TM6SF2: variants seen among roughly 807,000 people sequenced by gnomAD.
TM6SF2 encodes transmembrane 6 superfamily member 2.
TM6SF2 carries 29 observed loss-of-function variants against 41.0 expected under a neutral mutation model. The ratio of observed to expected loss-of-function variants is 0.71; its 90% CI spans 0.53 to 0.96. The LOEUF is 0.96. Among genes scored for constraint, TM6SF2 ranks in the 50% least tolerant of loss-of-function variants. TM6SF2 has a pLI of 0.00. For synonymous variants in TM6SF2, 200 were observed against 209.1 expected, an observed-to-expected ratio of 0.96 and a Z score of 0.37; for missense variants, 475 against 499.0, an observed-to-expected ratio of 0.95 and a Z score of 0.46.
In TM6SF2 at chr19:19,265,861, C is replaced by T. The variant is rs375976030; in HGVS notation, c.924+629G>A. Among the ~76,000 whole-genome samples the T allele has an allele frequency of 5.9e-5, 9 of 152,264 alleles. No individual in the cohort carries two copies. In the South Asian group the frequency reaches 1.9e-3, roughly 32 times the overall value. ...TCTCTCTCTGACCTGGCTCCAGATC[C>T]TCCTCCCAGTCTTCCCCACCCCAGA... On this transcript the variant is annotated intron_variant, in intron 9 of 9. Coordinates refer to ENST00000389363, the MANE Select transcript of TM6SF2 (RefSeq NM_001001524.3).
intron 1 of TM6SF2, 142 bp from the exon 2 acceptor site, chr19:19,271,267 C>A: frequency 1.4e-6 from 1 of 692,490 alleles, no homozygotes; most frequent in Non-Finnish European, 2.6e-6. Flanking sequence ...ATGCTGTTCC[C>A]TGAAACTGCT....
chr19:19,273,174 C>A lies in TM6SF2; in HGVS notation c.42G>T (p.Ser14=). The A allele has an allele frequency of 1.4e-6, 2 of 1,472,838 alleles. No homozygotes were observed. The highest frequency in any genetic ancestry group is 1.3e-5 in the South Asian group (1 of 76,024). The allele number at this position is 1,472,838 out of a possible 1,614,324, so 91.2% of individuals were successfully genotyped here. ...CGTAGGACACCGGGAGGGCGCTCAG[C>A]GACAGCGCCGCGATCTTGCCGGCCA... ...PPLAGKIAAL[S]LSALPVSYAL... Residue 14 remains serine (S), a synonymous_variant, in exon 1 of 10, where the codon TCG becomes TCT. Transcript: ENST00000389363.
rs111630044 is a variant in TM6SF2, at chr19:19,269,519, G to A, written c.484+168C>T. On this transcript the variant is annotated intron_variant, in intron 5 of 9. Transcript: ENST00000389363. ...TTCTCCCGCCTTCCAAGAGGAAACAGGGACCGGAAAGGGGTGGGCTGCTGA... is the reference window on the plus strand; with the variant it reads ...TTCTCCCGCCTTCCAAGAGGAAACAAGGACCGGAAAGGGGTGGGCTGCTGA... Among the ~76,000 whole-genome samples the A allele has an allele frequency of 4.4e-3, 669 of 152,310 alleles. 4 individuals are homozygous for A. Among genetic ancestry groups the A allele is most frequent in the African/African-American group, 0.014 (591 of 41,558 alleles).
chr19:19,266,358 G>C (rs1471866095), intron 9 of TM6SF2, 132 bp downstream of exon 9: 7 of 1,319,330 alleles, frequency 5.3e-6, no homozygotes, highest in Non-Finnish European at 7.3e-6. Context: ...GGGAATCCTG[G>C]GATATTGGGC....
intron 8 of TM6SF2, 68 bp downstream of exon 8, chr19:19,267,553 G>A: frequency 2.5e-6 from 3 of 1,219,802 alleles, no homozygotes; most frequent in Non-Finnish European, 3.5e-6. Context: ...TCTGGCACCT[G>A]CTTCAAAGAG....
intron 6 of TM6SF2, 44 bp from the exon 7 acceptor site, chr19:19,268,131 G>A: frequency 7.1e-7 from 1 of 1,414,744 alleles, no homozygotes; most frequent in Non-Finnish European, 9.9e-7. Flanking sequence ...GGTAGTCAAT[G>A]ACAAGTATTC....
chr19:19,272,814 G>C (rs900117791), intron 1 of TM6SF2, among the ~76,000 whole-genome samples: 2 of 151,802 alleles, frequency 1.3e-5, no homozygotes, highest in Non-Finnish European at 2.9e-5. Context: ...CGCATCCCTG[G>C]GAAAACCCCA....
chr19:19,268,201 C>T (rs1055228042), intron 6 of TM6SF2, 114 bp from the exon 7 acceptor site: 15 of 670,268 alleles, frequency 2.2e-5, no homozygotes, highest in East Asian at 3.0e-5. Context: ...TCTTTTTTTT[C>T]TTTTTTCTTT....
At chr19:19,271,191 G>T in intron 1 of TM6SF2, 66 bp from the exon 2 acceptor site, 1 of 1,283,470 alleles carries the variant, frequency 7.8e-7, no homozygotes, top group Non-Finnish European at 1.1e-6. Flanking sequence ...CACTCTCCCT[G>T]GTGGGGGAAG....
In TM6SF2 at chr19:19,271,147, C is replaced by A. The variant is rs1403952333; in HGVS notation, c.96-22G>T. On this transcript the variant is annotated intron_variant, in intron 1 of 9. Coordinates refer to ENST00000389363, the MANE Select transcript of TM6SF2 (RefSeq NM_001001524.3). ...GGGGCTGTGGAGAGGGAAGCCAAGT[C>A]AGGGAGGCCAGGCCCAGTGCTGAGG... The A allele has an allele frequency of 6.3e-6, 10 of 1,593,668 alleles. No individual in the cohort carries two copies. The Admixed American group carries it at 1.7e-4, about 27-fold the overall frequency.
chr19:19,269,312 T>C (rs2061014538), intron 5 of TM6SF2, among the ~76,000 whole-genome samples: 1 of 152,200 alleles, frequency 6.6e-6, no homozygotes, highest in African/African-American at 2.4e-5. Context: ...GTGTTCCCTT[T>C]GCTGAGGTTT....
At chr19:19,269,897 G>C (rs1441329227) in intron 4 of TM6SF2, 128 bp from the exon 5 acceptor site, 1 of 1,557,620 alleles carries the variant, frequency 6.4e-7, no homozygotes, top group Non-Finnish European at 8.7e-7. Context: ...GGATGGAAGG[G>C]ACAACAGGGA....
intron 2 of TM6SF2, 123 bp downstream of exon 2, chr19:19,270,899 G>C: frequency 1.3e-6 from 1 of 799,578 alleles, no homozygotes. Context: ...GAGGTCTCCA[G>C]TCTGATGGGA....
rs545153910 is a variant in TM6SF2 at position 19,273,255 on chromosome 19, C to T, written c.-40G>A. The T allele has an allele frequency of 7.6e-7, 1 of 1,311,652 alleles. No homozygotes were observed. The highest frequency in any genetic ancestry group is 3.1e-5 in the East Asian group (1 of 31,764). 81.3% of individuals were successfully genotyped at this position (1,311,652 alleles called of 1,614,324 possible). ...GACCCCGGCTCAGCCCCGACGCGTT[C>T]TCCAGGGCGCTCGGCTCCTCGTTGG... On this transcript the variant is annotated 5_prime_UTR_variant, in exon 1 of 10. Coordinates refer to ENST00000389363, the MANE Select transcript of TM6SF2 (RefSeq NM_001001524.3).
chr19:19,268,648 G>T lies in TM6SF2; in HGVS notation c.591C>A (p.Thr197=). Residue 197 remains threonine (T), a synonymous_variant, in exon 6 of 10, where the codon ACC becomes ACA. Coordinates refer to ENST00000389363, the MANE Select transcript of TM6SF2 (RefSeq NM_001001524.3). ...CACTCACCATGTTGGCGGTGCAGCG[G>T]GTTAGCGCCCGGGGCTGGCTGAAGA... ...MKVFSQPRAL[T]RCTANMVQEE... is the part of the protein sequence containing the mutation. The T allele has an allele frequency of 6.3e-7, 1 of 1,588,500 alleles. No homozygotes were observed. Among genetic ancestry groups the T allele is most frequent in the Non-Finnish European group, 8.5e-7 (1 of 1,172,040 alleles).
In TM6SF2 at chr19:19,270,465, G is replaced by A. The variant is rs1292274227; in HGVS notation, c.200-23C>T. 8 of 1,594,762 alleles carry A rather than the reference G, an allele frequency of 5.0e-6. No homozygotes were observed. The Admixed American group carries it at 1.4e-4, about 28-fold the overall frequency. ...AGACTGCAGTGAGTGGGCGGGCCGG[G>A]TCAGGTGTGGGAGGGGACACGTGTG... On this transcript the variant is annotated intron_variant, in intron 2 of 9. Transcript: ENST00000389363.
At chr19:19,266,374 G>T in intron 9 of TM6SF2, 116 bp downstream of exon 9, 2 of 1,435,482 alleles carry the variant, frequency 1.4e-6, no homozygotes, top group Non-Finnish European at 1.9e-6. Flanking sequence ...TGGGCCTGGG[G>T]CTGGGGCCTC....
chr19:19,271,882 A>G (rs2061025478), intron 1 of TM6SF2, among the ~76,000 whole-genome samples: 1 of 152,146 alleles, frequency 6.6e-6, no homozygotes, highest in Admixed American at 6.6e-5. Context: ...TGTTTGACTC[A>G]GTCTGTTCAG....
intron 5 of TM6SF2, among the ~76,000 whole-genome samples, chr19:19,269,072 A>T (rs1160932397): frequency 6.6e-6 from 1 of 151,878 alleles, no homozygotes; most frequent in Non-Finnish European, 1.5e-5. Context: ...AGAGTTGGAG[A>T]CCAGCCTGAG....
Sources: gnomAD v4.1 joint callset for allele counts (sites outside exome capture counted in the v4.1 genomes callset) on GRCh38, gnomAD v4.1.1 for gene constraint, MANE v1.5 for transcripts, NCBI Gene and HGNC (gene_info 2026-07-23, HGNC 2026-07-21) for gene names.